Variants in OSBPL2 observed in about 807,000 individuals in gnomAD.
OSBPL2 encodes the protein oxysterol binding protein like 2.
OSBPL2 carries 18 observed loss-of-function variants against 58.4 expected under a neutral mutation model. That is an observed-to-expected ratio of 0.31 (90% CI 0.21 to 0.46). OSBPL2 has a LOEUF of 0.46. Ranked by LOEUF, OSBPL2 falls within the 20% of genes least tolerant of loss-of-function variation. The pLI, the probability that OSBPL2 is intolerant of heterozygous loss-of-function variation, is 1.00. For synonymous variants in OSBPL2, 221 were observed against 234.1 expected, an observed-to-expected ratio of 0.94 and a Z score of 0.51; for missense variants, 461 against 616.5, an observed-to-expected ratio of 0.75 and a Z score of 2.67.
chr20:62,289,658 C>A lies in OSBPL2; in HGVS notation c.1249+328C>A, dbSNP rs547234684. Among the ~76,000 whole-genome samples the A allele has an allele frequency of 3.3e-5, 5 of 152,330 alleles. No individual in the cohort carries two copies. In the East Asian group the frequency reaches 9.6e-4, roughly 29 times the overall value. On this transcript the variant is annotated intron_variant, in intron 12 of 13. Coordinates refer to ENST00000313733, the MANE Select transcript of OSBPL2 (RefSeq NM_144498.4). ...GTGGCTCACGCCTATAACCCCAGCACTTTGGGAGGCTGAGGCAGGTGGATC... is the reference window on the plus strand; with the variant it reads ...GTGGCTCACGCCTATAACCCCAGCAATTTGGGAGGCTGAGGCAGGTGGATC...
chr20:62,289,332 TGC>T lies in OSBPL2; in HGVS notation c.1249+4_1249+5del. 1 of 1,612,164 alleles carries T rather than the reference TGC, an allele frequency of 6.2e-7. No individual in the cohort carries two copies. ...GCGGCATGGAGAATGGCAACATGGG[TGC>T]GTCCACGCAGTCAGAGGAGGAAGCT... On this transcript the variant is annotated splice_donor_region_variant and intron_variant, in intron 12 of 13. Coordinates refer to ENST00000313733, the MANE Select transcript of OSBPL2 (RefSeq NM_144498.4).
chr20:62,279,938 G>T (rs75562186), intron 7 of OSBPL2: 1 of 1,302,088 alleles, frequency 7.7e-7, no homozygotes, highest in Non-Finnish European at 1.0e-6. Flanking sequence ...TTGAAACAGC[G>T]TGGGAGGGGA....
intron 6 of OSBPL2, among the ~76,000 whole-genome samples, chr20:62,277,462 G>GT (rs1472752109): frequency 6.6e-6 from 1 of 152,196 alleles, no homozygotes; most frequent in Non-Finnish European, 1.5e-5. Flanking sequence ...GCCGAGACAC[G>GT]TCGTCTGTCA....
At chr20:62,268,233 C>T (rs909690999) in intron 4 of OSBPL2, among the ~76,000 whole-genome samples, 2 of 152,058 alleles carry the variant, frequency 1.3e-5, no homozygotes, top group Non-Finnish European at 2.9e-5. Context: ...GGTGCTTCTT[C>T]GCTGGGTGAT....
At chr20:62,276,975 G>A (rs1050518351) in intron 6 of OSBPL2, among the ~76,000 whole-genome samples, 3 of 152,244 alleles carry the variant, frequency 2.0e-5, no homozygotes, top group East Asian at 3.8e-4. Flanking sequence ...CAGGCCGGGC[G>A]TGGTGGCTCA....
chr20:62,282,569 C>T (rs988109348), intron 9 of OSBPL2, among the ~76,000 whole-genome samples: 2 of 152,226 alleles, frequency 1.3e-5, no homozygotes, highest in Non-Finnish European at 2.9e-5. Context: ...TGCAGTGGCT[C>T]ATGCCTGTAA....
At chr20:62,245,970 G>A (rs770417309) in intron 1 of OSBPL2, among the ~76,000 whole-genome samples, 6 of 152,272 alleles carry the variant, frequency 3.9e-5, no homozygotes, top group Non-Finnish European at 8.8e-5. Flanking sequence ...GGAGGTCTGG[G>A]AAGGAGGAAT....
intron 1 of OSBPL2, among the ~76,000 whole-genome samples, chr20:62,247,608 A>G (rs1201875510): frequency 6.6e-6 from 1 of 151,240 alleles, no homozygotes. Flanking sequence ...AGGCAGGAGG[A>G]GGAGCATTCT....
At chr20:62,250,859 A>G (rs1391079129) in intron 1 of OSBPL2, among the ~76,000 whole-genome samples, 1 of 152,182 alleles carries the variant, frequency 6.6e-6, no homozygotes, top group African/African-American at 2.4e-5. Flanking sequence ...CTGGAGGTCA[A>G]GGCTGCAGTG....
rs138280731 is a variant in OSBPL2 at position 62,257,850 on chromosome 20, G to A, written c.37+1629G>A. ...CTGCCTCAGCCTCCCAAGTAGCTGG[G>A]ATTACAGACGCCCACCACCACGCCT... On this transcript the variant is annotated intron_variant, in intron 2 of 13. Coordinates refer to ENST00000313733, the MANE Select transcript of OSBPL2 (RefSeq NM_144498.4). Among the ~76,000 whole-genome samples the A allele has an allele frequency of 5.7e-3, 870 of 152,138 alleles. 12 individuals are homozygous for A. The highest frequency in any genetic ancestry group is 0.044 in the Middle Eastern group (13 of 294).
chr20:62,279,790 TG>T, intron 7 of OSBPL2: 1 of 263,634 alleles, frequency 3.8e-6, no homozygotes, highest in Non-Finnish European at 5.9e-6. Flanking sequence ...GCCTGTGTCC[TG>T]GCTCCCCTTC....
chr20:62,292,891 T>C, intron 13 of OSBPL2, among the ~76,000 whole-genome samples: 1 of 151,940 alleles, frequency 6.6e-6, no homozygotes, highest in East Asian at 1.9e-4. Context: ...CATTTTTTTT[T>C]TTTTTTGTTG....
chr20:62,241,240 G>GGCTCACTGCAAACGCGAACTCA (rs1979708568), intron 1 of OSBPL2, among the ~76,000 whole-genome samples: 1 of 151,674 alleles, frequency 6.6e-6, no homozygotes, highest in Non-Finnish European at 1.5e-5. Context: ...GCGCGAACTC[G>GGCTCACTGCAAACGCGAACTCA]GCTCACTGCA....
At chr20:62,290,530 C>A (rs548861974) in intron 12 of OSBPL2, among the ~76,000 whole-genome samples, 3 of 149,990 alleles carry the variant, frequency 2.0e-5, no homozygotes, top group African/African-American at 7.4e-5. Flanking sequence ...CATTCTCCTG[C>A]CTCAGCCTCC....
At chr20:62,268,101 A>C (rs1270619686) in intron 4 of OSBPL2, among the ~76,000 whole-genome samples, 1 of 82,532 alleles carries the variant, frequency 1.2e-5, no homozygotes, top group Non-Finnish European at 2.4e-5. Flanking sequence ...GTTTCACCTT[A>C]TTGGCCAGGC....
At chr20:62,244,812 C>T (rs1339123217) in intron 1 of OSBPL2, among the ~76,000 whole-genome samples, 4 of 152,250 alleles carry the variant, frequency 2.6e-5, no homozygotes, top group Non-Finnish European at 5.9e-5. Flanking sequence ...CTCCCCACAG[C>T]TGCTTCTTGG....
chr20:62,263,594 G>A lies in OSBPL2; in HGVS notation c.183-22G>A, dbSNP rs780136283. The A allele has an allele frequency of 6.5e-5, 104 of 1,605,682 alleles. 2 individuals carry two copies. In the Middle Eastern group the frequency reaches 4.8e-3, roughly 74 times the overall value. On this transcript the variant is annotated intron_variant, in intron 3 of 13. Coordinates refer to ENST00000313733, the MANE Select transcript of OSBPL2 (RefSeq NM_144498.4). ...AGTCCTGTGTTGAATTCACCCACAC[G>A]CACCCCTTTTGTGCTTCGCAGGACA...
chr20:62,282,056 T>A (rs1226971046), intron 9 of OSBPL2, 177 bp downstream of exon 9: 4 of 466,142 alleles, frequency 8.6e-6, no homozygotes, highest in Non-Finnish European at 1.6e-5. Context: ...CATTTTGTTA[T>A]TGAGCATAAA....
At chr20:62,266,777 A>G (rs1014645520) in intron 4 of OSBPL2, among the ~76,000 whole-genome samples, 2 of 152,112 alleles carry the variant, frequency 1.3e-5, no homozygotes, top group African/African-American at 4.8e-5. Context: ...TGTGACTGTG[A>G]TATTATTATT....
Sources: allele counts gnomAD v4.1 joint callset (sites outside exome capture counted in the v4.1 genomes callset), GRCh38; gene constraint gnomAD v4.1.1; transcripts MANE v1.5; gene names NCBI Gene and HGNC (gene_info 2026-07-23, HGNC 2026-07-21).